Variants in TNFSF8 observed in about 807,000 individuals in gnomAD.
TNFSF8 encodes the protein TNF superfamily member 8.
A neutral mutation model predicts 22.0 loss-of-function variants in TNFSF8; 4 were observed. That is an observed-to-expected ratio of 0.18 (90% confidence interval 0.09 to 0.42). The LOEUF is 0.42. Among genes scored for constraint, TNFSF8 ranks in the 10% least tolerant of loss-of-function variants. The pLI, the probability that TNFSF8 is intolerant of heterozygous loss-of-function variation, is 1.00. For missense variants in TNFSF8, 233 were observed against 281.8 expected (o/e 0.83, Z 1.24); for synonymous variants, 106 against 112.5 (o/e 0.94, Z 0.37).
At position 114,907,673 on chromosome 9, in the gene TNFSF8, T is replaced by C. The variant is rs144590880; in HGVS notation, c.239-1774A>G. Among the ~76,000 whole-genome samples the C allele has an allele frequency of 2.9e-3, 448 of 152,256 alleles. 2 individuals are homozygous for C. Among genetic ancestry groups the C allele is most frequent in the African/African-American group, 0.01 (430 of 41,546 alleles). On this transcript the variant is annotated intron_variant, in intron 2 of 3. Coordinates refer to ENST00000223795, the MANE Select transcript of TNFSF8 (RefSeq NM_001244.4). Reference sequence around the variant, plus strand: ...CCTCCCCTTTCCCTTTATGTTCCAATAGTAATAATAACGAGGAGGAACAGT... The same window carrying C: ...CCTCCCCTTTCCCTTTATGTTCCAACAGTAATAATAACGAGGAGGAACAGT...
chr9:114,919,073 C>T (rs1827955871), intron 1 of TNFSF8, among the ~76,000 whole-genome samples: 2 of 149,480 alleles, frequency 1.3e-5, no homozygotes, highest in Non-Finnish European at 1.5e-5. Flanking sequence ...GTAAACATAC[C>T]TGGGAAGGTA....
At chr9:114,926,813 G>A (rs991120487) in intron 1 of TNFSF8, among the ~76,000 whole-genome samples, 1 of 151,954 alleles carries the variant, frequency 6.6e-6, no homozygotes, top group Non-Finnish European at 1.5e-5. Flanking sequence ...TCCGTGAAGA[G>A]GGATTAGTGG....
rs188416662 is a variant in TNFSF8 at position 114,903,320 on chromosome 9, G to A, written c.*611C>T. ...TGGTTTTCCCTGGGGGTTCCTAGGGGTGGGGTCATATGGAGTACAAGATCA... is the reference window on the plus strand; with the variant it reads ...TGGTTTTCCCTGGGGGTTCCTAGGGATGGGGTCATATGGAGTACAAGATCA... On this transcript the variant is annotated 3_prime_UTR_variant, in exon 4 of 4. Transcript: ENST00000223795. 254 of 152,406 alleles carry A rather than the reference G, an allele frequency of 1.7e-3. 1 individual carries two copies. The highest frequency in any genetic ancestry group is 3.0e-3 in the Non-Finnish European group (203 of 68,102). 9.4% of individuals were successfully genotyped at this position (152,406 alleles called of 1,614,324 possible).
intron 3 of TNFSF8, among the ~76,000 whole-genome samples, chr9:114,904,927 C>G (rs1369256657): frequency 6.6e-6 from 1 of 152,072 alleles, no homozygotes; most frequent in Non-Finnish European, 1.5e-5. Context: ...ATGCCTTTTT[C>G]CCTTCAAAGG....
At chr9:114,905,698 G>A in intron 3 of TNFSF8, 130 bp downstream of exon 3, 1 of 756,386 alleles carries the variant, frequency 1.3e-6, no homozygotes, top group Non-Finnish European at 2.3e-6. Flanking sequence ...ATTTCCTGCA[G>A]ACTAAACAGT....
chr9:114,911,782 G>C (rs1827855030), intron 2 of TNFSF8, among the ~76,000 whole-genome samples: 1 of 151,156 alleles, frequency 6.6e-6, no homozygotes, highest in Non-Finnish European at 1.5e-5. Context: ...TTTCAGTCCT[G>C]ACTTGTTGCA....
chr9:114,898,559 G>A (rs1827681140), downstream of TNFSF8, among the ~76,000 whole-genome samples: 1 of 152,140 alleles, frequency 6.6e-6, no homozygotes, highest in African/African-American at 2.4e-5. Flanking sequence ...TAGGAAGTGA[G>A]AAGAAGGATA....
rs1184357004 is a variant in TNFSF8 at position 114,901,829 on chromosome 9, A to G, written c.*2102T>C. The G allele has an allele frequency of 1.0e-6, 1 of 955,766 alleles. No individual in the cohort carries two copies. The highest frequency in any genetic ancestry group is 1.2e-6 in the Non-Finnish European group (1 of 803,172). The allele number at this position is 955,766 out of a possible 1,614,324, so 59.2% of individuals were successfully genotyped here. Reference sequence around the variant, plus strand: ...AGGAGACCTAGGAGGAGGTTGACACAGCACACTGCTCAGCAGATGACTTAA... The same window carrying G: ...AGGAGACCTAGGAGGAGGTTGACACGGCACACTGCTCAGCAGATGACTTAA... On this transcript the variant is annotated 3_prime_UTR_variant, in exon 4 of 4. Coordinates refer to ENST00000223795, the MANE Select transcript of TNFSF8 (RefSeq NM_001244.4).
Position 114,908,507 on chromosome 9 carries a change from C to T in TNFSF8, c.239-2608G>A, listed in dbSNP as rs1390026654. Among the ~76,000 whole-genome samples the T allele has an allele frequency of 2.0e-5, 3 of 152,152 alleles. No homozygotes were observed. In the East Asian group the frequency reaches 5.8e-4, roughly 29 times the overall value. ...GCCCTCTTACACTGTTCTCCTTACCCCTTATGGCAGGTGAGCCTCTGTAAA... is the reference window on the plus strand; with the variant it reads ...GCCCTCTTACACTGTTCTCCTTACCTCTTATGGCAGGTGAGCCTCTGTAAA... On this transcript the variant is annotated intron_variant, in intron 2 of 3. Coordinates refer to ENST00000223795, the MANE Select transcript of TNFSF8 (RefSeq NM_001244.4).
At chr9:114,929,757 C>T (rs1453690797) in intron 1 of TNFSF8, among the ~76,000 whole-genome samples, 2 of 151,846 alleles carry the variant, frequency 1.3e-5, no homozygotes, top group African/African-American at 2.4e-5. Flanking sequence ...AATAGCTCCC[C>T]TCCACTGTTT....
chr9:114,926,978 A>T (rs1303321055), intron 1 of TNFSF8, among the ~76,000 whole-genome samples: 1 of 145,204 alleles, frequency 6.9e-6, no homozygotes, highest in Non-Finnish European at 1.5e-5. Flanking sequence ...TTATTTTATA[A>T]TATAATATTT....
At chr9:114,908,702 T>C (rs764568125) in intron 2 of TNFSF8, among the ~76,000 whole-genome samples, 5 of 151,984 alleles carry the variant, frequency 3.3e-5, no homozygotes, top group African/African-American at 4.8e-5. Context: ...AATGGCATGG[T>C]ATATTTTAGT....
At chr9:114,918,065 T>G in intron 2 of TNFSF8, 31 bp downstream of exon 2, 1 of 1,582,402 alleles carries the variant, frequency 6.3e-7, no homozygotes. Context: ...GATGACTTAC[T>G]ACACATTTAC....
chr9:114,906,469 G>T (rs186697788), intron 2 of TNFSF8, among the ~76,000 whole-genome samples: 10 of 152,300 alleles, frequency 6.6e-5, no homozygotes, highest in African/African-American at 2.4e-4. Context: ...GGTTAACTTT[G>T]ATGCCTAGAG....
chr9:114,928,719 A>G (rs540733770), intron 1 of TNFSF8, among the ~76,000 whole-genome samples: 20 of 152,244 alleles, frequency 1.3e-4, no homozygotes, highest in Non-Finnish European at 2.1e-4. Flanking sequence ...ATTATACTTA[A>G]TAGATGTAGA....
chr9:114,894,759 G>A (rs1827640198), intron 4 of TNFSF8, among the ~76,000 whole-genome samples: 1 of 152,190 alleles, frequency 6.6e-6, no homozygotes. Flanking sequence ...GTAACATAAA[G>A]CGGTTTAAGT....
intron 1 of TNFSF8, among the ~76,000 whole-genome samples, chr9:114,924,274 A>G (rs1180190181): frequency 1.3e-5 from 2 of 152,242 alleles, no homozygotes; most frequent in Non-Finnish European, 2.9e-5. Flanking sequence ...TTTAAAAAGC[A>G]AAGTTCTAGA....
chr9:114,896,903 T>C (rs1247638554), downstream of TNFSF8, among the ~76,000 whole-genome samples: 1 of 152,224 alleles, frequency 6.6e-6, no homozygotes, highest in East Asian at 1.9e-4. Context: ...AATTCTTTTT[T>C]TCTTTCTTTT....
chr9:114,922,769 A>G (rs1828004778), intron 1 of TNFSF8, among the ~76,000 whole-genome samples: 1 of 152,208 alleles, frequency 6.6e-6, no homozygotes, highest in Non-Finnish European at 1.5e-5. Context: ...TGCCAAAGTG[A>G]GAAGTGGACC....
Sources: allele counts gnomAD v4.1 joint callset (sites outside exome capture counted in the v4.1 genomes callset), GRCh38; gene constraint gnomAD v4.1.1; transcripts MANE v1.5; gene names NCBI Gene and HGNC (gene_info 2026-07-23, HGNC 2026-07-21).